The following GABPB1 variants were observed in gnomAD, a reference collection of about 807,000 sequenced individuals.
GABPB1 encodes GA binding protein transcription factor subunit beta 1, also known as GA-binding protein subunit beta-1.
In GABPB1, 15 loss-of-function variants were observed where a neutral mutation model predicts 45.9. The ratio of observed to expected loss-of-function variants is 0.33; its 90% CI spans 0.22 to 0.50. The LOEUF (loss-of-function observed/expected upper bound fraction) is 0.50, where lower values mean the gene tolerates loss of function less well. GABPB1 is among the 20% of genes least tolerant of loss of function. The probability of loss-of-function intolerance (pLI) is 0.98; values close to 1 mark genes in which losing one functional copy is unlikely to be tolerated. For synonymous variants in GABPB1, 143 were observed against 154.4 expected (o/e 0.93, Z 0.55); for missense variants, 252 against 457.5 (o/e 0.55, Z 4.10).
chr15:50,346,250 G>A (rs970041623), intron 1 of GABPB1: 7 of 152,162 alleles, frequency 4.6e-5, no homozygotes, highest in African/African-American at 1.7e-4. Flanking sequence ...TAAAGAGGAA[G>A]AAGGAATATG....
At chr15:50,332,319 T>C (rs2047976196) in intron 1 of GABPB1, among the ~76,000 whole-genome samples, 1 of 152,182 alleles carries the variant, frequency 6.6e-6, no homozygotes, top group Non-Finnish European at 1.5e-5. Flanking sequence ...AATTATACCA[T>C]GCAGTAAAGT....
chr15:50,324,569 G>C (rs2047684466), intron 1 of GABPB1, among the ~76,000 whole-genome samples: 2 of 127,806 alleles, frequency 1.6e-5, no homozygotes, highest in South Asian at 5.1e-4. Context: ...TTTTGAGACA[G>C]AGTCTCACTC....
chr15:50,321,135 C>T (rs1362772000), intron 1 of GABPB1, among the ~76,000 whole-genome samples: 1 of 152,124 alleles, frequency 6.6e-6, no homozygotes, highest in Non-Finnish European at 1.5e-5. Flanking sequence ...TTCACCTTTA[C>T]AAATAGTGCT....
chr15:50,287,704 TG>T (rs968257407), intron 7 of GABPB1, among the ~76,000 whole-genome samples: 3 of 152,190 alleles, frequency 2.0e-5, no homozygotes, highest in African/African-American at 7.2e-5. Flanking sequence ...TTGGAAACAA[TG>T]TTATGTCTGC....
intron 1 of GABPB1, among the ~76,000 whole-genome samples, chr15:50,335,915 A>AAAG (rs60588057): frequency 0.44 from 44,969 of 102,400 alleles, 11,365 homozygotes; most frequent in African/African-American, 0.65. Flanking sequence ...AAAAAAAAAA[A>AAAG]AAGAAGACTG....
At chr15:50,301,234 T>G (rs781286245) in intron 5 of GABPB1, 23 bp downstream of exon 5, 1 of 1,613,618 alleles carries the variant, frequency 6.2e-7, no homozygotes, top group Non-Finnish European at 8.5e-7. Context: ...TTGCCTTGGA[T>G]GAATTTTCTG....
intron 1 of GABPB1, among the ~76,000 whole-genome samples, chr15:50,342,513 C>T (rs2048413993): frequency 6.6e-6 from 1 of 152,040 alleles, no homozygotes; most frequent in Non-Finnish European, 1.5e-5. Context: ...GATCTTTAAC[C>T]AAAAATATTT....
chr15:50,290,576 ACAAGACC>A (rs1379181341), intron 6 of GABPB1, among the ~76,000 whole-genome samples: 1 of 151,602 alleles, frequency 6.6e-6, no homozygotes, highest in East Asian at 1.9e-4. Context: ...GGGCAACAAA[ACAAGACC>A]CTGTCTCAAA....
chr15:50,345,863 C>G (rs935425846), intron 1 of GABPB1, among the ~76,000 whole-genome samples: 1 of 152,092 alleles, frequency 6.6e-6, no homozygotes, highest in Admixed American at 6.5e-5. Context: ...AGGCGCTCGC[C>G]ACCACGCCCA....
At chr15:50,290,362 G>A (rs961735859) in intron 6 of GABPB1, among the ~76,000 whole-genome samples, 28 of 152,198 alleles carry the variant, frequency 1.8e-4, no homozygotes, top group African/African-American at 6.0e-4. Context: ...AGGCTGAGGC[G>A]GGAGGATCAC....
chr15:50,324,682 T>C (rs2047689259), intron 1 of GABPB1, among the ~76,000 whole-genome samples: 1 of 151,676 alleles, frequency 6.6e-6, no homozygotes. Flanking sequence ...GTAGCTCGGA[T>C]TACAGGCGCA....
intron 6 of GABPB1, among the ~76,000 whole-genome samples, chr15:50,299,687 C>A (rs1405955664): frequency 6.6e-6 from 1 of 152,212 alleles, no homozygotes; most frequent in Admixed American, 6.5e-5. Flanking sequence ...GAGCAAGCCA[C>A]CGCACCCAGC....
At position 50,300,234 on chromosome 15, in the gene GABPB1, T is replaced by C. The variant is rs182361830; in HGVS notation, c.697+555A>G. Reference sequence around the variant, plus strand: ...TTAGTTACCAAGATTTAATGTTCTTTTAAAATCCAGATTCACAGCTTCCTA... The same window carrying C: ...TTAGTTACCAAGATTTAATGTTCTTCTAAAATCCAGATTCACAGCTTCCTA... On this transcript the variant is annotated intron_variant, in intron 6 of 8. Coordinates refer to ENST00000380877, the MANE Select transcript of GABPB1 (RefSeq NM_016654.5). 7.4e-4 allele frequency among the ~76,000 whole-genome samples: 112 copies of C among 152,226 alleles called. 2 individuals carry two copies. Among genetic ancestry groups the C allele is most frequent in the African/African-American group, 2.4e-3 (101 of 41,538 alleles).
intron 1 of GABPB1, among the ~76,000 whole-genome samples, chr15:50,330,856 A>T (rs1246229691): frequency 2.6e-5 from 4 of 152,344 alleles, no homozygotes; most frequent in African/African-American, 9.6e-5. Context: ...CACAATAAAG[A>T]AGTAAATAAG....
chr15:50,301,444 CA>C (rs2046743963), intron 4 of GABPB1, 76 bp from the exon 5 acceptor site: 11 of 1,287,442 alleles, frequency 8.5e-6, no homozygotes, highest in Non-Finnish European at 1.2e-5. Context: ...ATAATACAAA[CA>C]CATATAAAGG....
chr15:50,305,850 C>A (rs1264162439), intron 2 of GABPB1, among the ~76,000 whole-genome samples: 1 of 152,096 alleles, frequency 6.6e-6, no homozygotes, highest in East Asian at 1.9e-4. Context: ...GGGGTGATCA[C>A]AGCTCACTGT....
chr15:50,340,945 CATAT>C lies in GABPB1; in HGVS notation c.-1+14036_-1+14039del, dbSNP rs2048348272. Among the ~76,000 whole-genome samples, 4 of 50,220 alleles carry C rather than the reference CATAT, an allele frequency of 8.0e-5. 1 individual carries two copies. Among genetic ancestry groups the C allele is most frequent in the African/African-American group, 2.4e-4 (2 of 8,436 alleles). The allele number at this position is 50,220 out of a possible 152,430, so 32.9% of individuals were successfully genotyped here. ...TTACATATTACATATGGTTTATTAC[CATAT>C]GTAATATTACATATTACATATGGTT... On this transcript the variant is annotated intron_variant, in intron 1 of 8. Coordinates refer to ENST00000380877, the MANE Select transcript of GABPB1 (RefSeq NM_016654.5).
At chr15:50,335,045 G>A (rs980538278) in intron 1 of GABPB1, among the ~76,000 whole-genome samples, 1 of 152,150 alleles carries the variant, frequency 6.6e-6, no homozygotes, top group Non-Finnish European at 1.5e-5. Flanking sequence ...GCCTTCCTTT[G>A]AAGAACATTT....
chr15:50,298,843 TG>T (rs2046617250), intron 6 of GABPB1, among the ~76,000 whole-genome samples: 1 of 150,310 alleles, frequency 6.7e-6, no homozygotes, highest in Admixed American at 6.6e-5. Flanking sequence ...TCCCAGCTAC[TG>T]GGGAGGCTGA....
Sources: allele counts gnomAD v4.1 joint callset (sites outside exome capture counted in the v4.1 genomes callset), GRCh38; gene constraint gnomAD v4.1.1; transcripts MANE v1.5; gene names NCBI Gene and HGNC (gene_info 2026-07-23, HGNC 2026-07-21).